SLC4A4: variants seen among roughly 807,000 people sequenced by gnomAD.
SLC4A4 encodes the protein electrogenic sodium bicarbonate cotransporter 1.
SLC4A4 carries 27 observed loss-of-function variants against 111.5 expected under a neutral mutation model. The ratio of observed to expected loss-of-function variants is 0.24; its 90% CI spans 0.18 to 0.33. SLC4A4 has a LOEUF of 0.33. Among genes scored for constraint, SLC4A4 ranks in the 10% least tolerant of loss-of-function variants. The probability of loss-of-function intolerance (pLI) is 1.00; values close to 1 mark genes in which losing one functional copy is unlikely to be tolerated. For missense variants in SLC4A4, 909 were observed against 1,315.5 expected, an observed-to-expected ratio of 0.69 and a Z score of 4.78; for synonymous variants, 443 against 463.4, an observed-to-expected ratio of 0.96 and a Z score of 0.57.
In SLC4A4 at chr4:71,117,329, G is replaced by A. The variant is rs535103968; in HGVS notation, c.-2+24537G>A. On this transcript the variant is annotated intron_variant, in intron 2 of 26. Transcript: ENST00000649996. ...AGTCCTGTAATGAAAGGAGTTGGAAGTTTATCTTAGAAGGTCTCTGAAAAC... is the reference window on the plus strand; with the variant it reads ...AGTCCTGTAATGAAAGGAGTTGGAAATTTATCTTAGAAGGTCTCTGAAAAC... 2.6e-5 allele frequency among the ~76,000 whole-genome samples: 4 copies of A among 152,276 alleles called. No homozygotes were observed. In the East Asian group the frequency reaches 5.8e-4, roughly 22 times the overall value.
At chr4:71,286,680 T>C (rs1469749605) in intron 3 of SLC4A4, among the ~76,000 whole-genome samples, 1 of 152,252 alleles carries the variant, frequency 6.6e-6, no homozygotes, top group Non-Finnish European at 1.5e-5. Context: ...TTTGTCTCTG[T>C]TGATCTTTAT....
intron 2 of SLC4A4, among the ~76,000 whole-genome samples, chr4:71,096,594 A>G (rs1427144465): frequency 6.6e-6 from 1 of 152,232 alleles, no homozygotes; most frequent in Admixed American, 6.5e-5. Flanking sequence ...GATGAACAAA[A>G]CATCACATTT....
chr4:71,324,323 T>G (rs1727341457), intron 3 of SLC4A4, among the ~76,000 whole-genome samples: 1 of 152,036 alleles, frequency 6.6e-6, no homozygotes, highest in African/African-American at 2.4e-5. Context: ...ACTAAATGAT[T>G]GATTTGAATT....
At chr4:71,177,886 GCACCA>G (rs1390454600) in intron 2 of SLC4A4, among the ~76,000 whole-genome samples, 12 of 152,114 alleles carry the variant, frequency 7.9e-5, no homozygotes, top group Non-Finnish European at 1.5e-4. Flanking sequence ...ATTCTTCTCA[GCACCA>G]CACCACACTT....
chr4:71,401,760 A>G (rs930798360), intron 7 of SLC4A4, among the ~76,000 whole-genome samples: 7 of 152,186 alleles, frequency 4.6e-5, no homozygotes, highest in African/African-American at 1.7e-4. Flanking sequence ...GGCTTTAAAA[A>G]TGTTGACTTT....
chr4:71,309,579 A>G (rs1397102511), intron 3 of SLC4A4, among the ~76,000 whole-genome samples: 2 of 152,186 alleles, frequency 1.3e-5, no homozygotes, highest in Non-Finnish European at 2.9e-5. Flanking sequence ...GACCTAGAGG[A>G]GAGGGGCCTG....
At position 71,486,670 on chromosome 4, in the gene SLC4A4, C is replaced by CTT. The variant is rs67649416; in HGVS notation, c.1904-269_1904-268dup. Among the ~76,000 whole-genome samples the CTT allele has an allele frequency of 5.4e-3, 806 of 148,442 alleles. 5 individuals carry two copies. Among genetic ancestry groups the CTT allele is most frequent in the African/African-American group, 0.015 (627 of 40,832 alleles). ...TTGTAGTATCAGGGAAGTTTTATTT[C>CTT]TTTTTTTTTTGAAACCTGAAACAAA... On this transcript the variant is annotated intron_variant, in intron 14 of 25. Coordinates refer to ENST00000264485, the MANE Select transcript of SLC4A4 (RefSeq NM_001098484.3).
At chr4:71,447,910 G>A (rs965007157) in intron 9 of SLC4A4, among the ~76,000 whole-genome samples, 177 bp downstream of exon 9, 3 of 152,192 alleles carry the variant, frequency 2.0e-5, no homozygotes, top group Non-Finnish European at 4.4e-5. Flanking sequence ...AAAAAGTAAG[G>A]CATGCATTTT....
At position 71,555,012 on chromosome 4, in the gene SLC4A4, G is replaced by C. The variant is rs912310144; in HGVS notation, c.2695-128G>C. The C allele has an allele frequency of 1.2e-5, 9 of 737,742 alleles. No individual in the cohort carries two copies. In the Admixed American group the frequency reaches 1.7e-4, roughly 14 times the overall value. The allele number at this position is 737,742 out of a possible 1,614,324, so 45.7% of individuals were successfully genotyped here. ...ATCAATTGACTAGTAAAGCATACTA[G>C]TTAGAGGTCACTAAGTTATTATATC... On this transcript the variant is annotated intron_variant, in intron 20 of 25. Coordinates refer to ENST00000264485, the MANE Select transcript of SLC4A4 (RefSeq NM_001098484.3).
At chr4:71,515,899 T>C (rs1450331058) in intron 16 of SLC4A4, among the ~76,000 whole-genome samples, 3 of 152,040 alleles carry the variant, frequency 2.0e-5, no homozygotes, top group Non-Finnish European at 2.9e-5. Flanking sequence ...AGTTAGATGC[T>C]ACTTTTGTAA....
chr4:71,532,247 T>C lies in SLC4A4; in HGVS notation c.2280+72T>C, dbSNP rs10446504. The C allele has an allele frequency of 0.81, 744,200 of 923,026 alleles. 302,544 individuals carry two copies. The highest frequency in any genetic ancestry group is 0.84 in the Non-Finnish European group (464,427 of 553,546). 57.2% of individuals were successfully genotyped at this position (923,026 alleles called of 1,614,324 possible). A position where few individuals can be genotyped will look rare whatever the true frequency, so the allele number is the denominator to read the frequency against. On this transcript the variant is annotated intron_variant, in intron 17 of 25. Transcript: ENST00000264485. Reference sequence around the variant, plus strand: ...TCTTTCCCCCTATTCTAATTTATTGTGTTTCTCTTTGAGTTAGTTTTGTAC... The same window carrying C: ...TCTTTCCCCCTATTCTAATTTATTGCGTTTCTCTTTGAGTTAGTTTTGTAC...
chr4:71,109,040 T>A (rs996726484), intron 2 of SLC4A4, among the ~76,000 whole-genome samples: 2 of 152,172 alleles, frequency 1.3e-5, no homozygotes, highest in African/African-American at 4.8e-5. Flanking sequence ...TATTTTCCTA[T>A]TCCTTTACAT....
intron 16 of SLC4A4, among the ~76,000 whole-genome samples, chr4:71,501,894 A>C (rs1730969791): frequency 6.6e-6 from 1 of 152,002 alleles, no homozygotes; most frequent in Admixed American, 6.6e-5. Context: ...CGATCTCCTG[A>C]CCTTGTGATC....
intron 12 of SLC4A4, among the ~76,000 whole-genome samples, chr4:71,460,145 A>G (rs986485323): frequency 6.6e-6 from 1 of 151,936 alleles, no homozygotes; most frequent in Non-Finnish European, 1.5e-5. Flanking sequence ...CTTTTGCTGT[A>G]TAGATCTTAA....
At chr4:71,506,089 G>A (rs971188411) in intron 16 of SLC4A4, among the ~76,000 whole-genome samples, 4 of 152,142 alleles carry the variant, frequency 2.6e-5, no homozygotes, top group African/African-American at 9.6e-5. Flanking sequence ...TTTGGTTTCT[G>A]TAGCCCTGTA....
At chr4:71,313,945 T>C (rs1217153510) in intron 3 of SLC4A4, among the ~76,000 whole-genome samples, 1 of 152,170 alleles carries the variant, frequency 6.6e-6, no homozygotes, top group African/African-American at 2.4e-5. Context: ...AAAGAGCTTC[T>C]GCACAGCAAA....
chr4:71,404,882 AC>A (rs1395532241), intron 7 of SLC4A4, among the ~76,000 whole-genome samples: 1 of 151,796 alleles, frequency 6.6e-6, no homozygotes, highest in Non-Finnish European at 1.5e-5. Flanking sequence ...TGCAGCCTCC[AC>A]CTTTTGGGCT....
Position 71,441,213 on chromosome 4 carries a change from C to T in SLC4A4, c.965+440C>T, listed in dbSNP as rs145457854. Among the ~76,000 whole-genome samples the T allele has an allele frequency of 8.1e-3, 1,228 of 152,244 alleles. 19 individuals carry two copies. The highest frequency in any genetic ancestry group is 0.028 in the African/African-American group (1,161 of 41,564). ...ACACACATATATATATTAAAATCATCAAGCTGTATACTTAAGTTTGCATAC... is the reference window on the plus strand; with the variant it reads ...ACACACATATATATATTAAAATCATTAAGCTGTATACTTAAGTTTGCATAC... On this transcript the variant is annotated intron_variant, in intron 8 of 25. Transcript: ENST00000264485.
In SLC4A4 at chr4:71,206,217, A is replaced by G. The variant is rs145459121; in HGVS notation, c.-2+18816A>G. Reference sequence around the variant, plus strand: ...CTCATTAGGGGAAGGCTGATATTTAAAGGAGTATTGGAATATAAGAGAATC... The same window carrying G: ...CTCATTAGGGGAAGGCTGATATTTAGAGGAGTATTGGAATATAAGAGAATC... On this transcript the variant is annotated intron_variant, in intron 1 of 25. Coordinates refer to ENST00000264485, the MANE Select transcript of SLC4A4 (RefSeq NM_001098484.3). Among the ~76,000 whole-genome samples, 445 of 152,290 alleles carry G rather than the reference A, an allele frequency of 2.9e-3. 1 individual carries two copies. The highest frequency in any genetic ancestry group is 8.3e-3 in the African/African-American group (344 of 41,572).
Sources: gnomAD v4.1 joint callset for allele counts (sites outside exome capture counted in the v4.1 genomes callset) on GRCh38, gnomAD v4.1.1 for gene constraint, MANE v1.5 for transcripts, NCBI Gene and HGNC (gene_info 2026-07-23, HGNC 2026-07-21) for gene names.